IL12B: variants seen among roughly 807,000 people sequenced by gnomAD.
IL12B encodes the protein interleukin 12B.
A neutral mutation model predicts 39.2 loss-of-function variants in IL12B; 27 were observed. The ratio of observed to expected loss-of-function variants is 0.69; its 90% CI spans 0.51 to 0.95. The LOEUF (loss-of-function observed/expected upper bound fraction) is 0.95, where lower values mean the gene tolerates loss of function less well. Among genes scored for constraint, IL12B ranks in the 40% least tolerant of loss-of-function variants. The probability of loss-of-function intolerance (pLI) is 0.00; values close to 1 mark genes in which losing one functional copy is unlikely to be tolerated. For missense variants in IL12B, 351 were observed against 397.6 expected, an observed-to-expected ratio of 0.88 and a Z score of 1.00; for synonymous variants, 142 against 152.1, an observed-to-expected ratio of 0.93 and a Z score of 0.49.
At position 159,318,769 on chromosome 5, in the gene IL12B, G is replaced by T; in HGVS notation, c.822C>A (p.Cys274Ter). 6.2e-7 allele frequency: 1 copy of T among 1,614,134 alleles called. No individual in the cohort carries two copies. The highest frequency in any genetic ancestry group is 1.3e-5 in the African/African-American group (1 of 75,040). ...TPHSYFSLTFCVQVQGKSKRE... is the reference protein window; with the variant it reads ...TPHSYFSLTF ...TCTTGCTCTTGCCCTGGACCTGAAC[G>T]CAGAATGTCAGGGAGAAGTAGGAAT... Residue 274 changes from cysteine to a stop codon, truncating the protein, a stop_gained, in exon 6 of 8, where the codon TGC becomes TGA. Transcript: ENST00000231228. LOFTEE classifies it high-confidence loss of function.
Position 159,330,321 on chromosome 5 carries a change from C to G in IL12B, c.-1+111G>C, listed in dbSNP as rs548809242. On this transcript the variant is annotated intron_variant, in intron 1 of 7. Coordinates refer to ENST00000231228, the MANE Select transcript of IL12B (RefSeq NM_002187.3). ...ACTCACCAGGGATGCTTCCAGGAAT[C>G]CACCAACTCCCTCCTGCCAGCTGCT... is the stretch of plus-strand genomic sequence containing the variant. 7 of 152,324 alleles carry G rather than the reference C, an allele frequency of 4.6e-5. No individual in the cohort carries two copies. In the East Asian group the frequency reaches 1.2e-3, roughly 25 times the overall value. 9.4% of individuals were successfully genotyped at this position (152,324 alleles called of 1,614,324 possible).
chr5:159,326,641 A>G, intron 2 of IL12B, 54 bp downstream of exon 2: 1 of 1,288,562 alleles, frequency 7.8e-7, no homozygotes. Flanking sequence ...TGGCTGCCCA[A>G]GAGTCCTGGC....
At chr5:159,316,991 C>T (rs1298822938) in intron 6 of IL12B, among the ~76,000 whole-genome samples, 175 bp from the exon 7 acceptor site, 1 of 152,196 alleles carries the variant, frequency 6.6e-6, no homozygotes, top group Non-Finnish European at 1.5e-5. Context: ...GCAGACACTC[C>T]ACATGTAGGT....
At chr5:159,324,199 C>T (rs560085607) in intron 2 of IL12B, among the ~76,000 whole-genome samples, 38 of 152,186 alleles carry the variant, frequency 2.5e-4, no homozygotes, top group Admixed American at 2.2e-3. Flanking sequence ...CTGAGGCCAA[C>T]GATCTAAGCA....
At position 159,320,518 on chromosome 5, in the gene IL12B, G is replaced by A. The variant is rs1352704015; in HGVS notation, c.485C>T (p.Ser162Phe). Residue 162 changes from serine to phenylalanine, a missense_variant and splice_region_variant, in exon 5 of 8, where the codon TCT (serine) becomes TTT (phenylalanine). Coordinates refer to ENST00000231228, the MANE Select transcript of IL12B (RefSeq NM_002187.3). ...GCACGTCACCCCTTGGGGGTCAGAAGAGCTGAAGTCAAAGACAGAAATTAG... is the reference window on the plus strand; with the variant it reads ...GCACGTCACCCCTTGGGGGTCAGAAAAGCTGAAGTCAAAGACAGAAATTAG... ...LTFSVKSSRG[S>F]SDPQGVTCGA... 4 of 1,613,580 alleles carry A rather than the reference G, an allele frequency of 2.5e-6. No homozygotes were observed. The highest frequency in any genetic ancestry group is 2.5e-6 in the Non-Finnish European group (3 of 1,179,654).
intron 1 of IL12B, 24 bp downstream of exon 1, chr5:159,330,408 G>T (rs1331327250): frequency 1.3e-5 from 2 of 152,332 alleles, no homozygotes; most frequent in Non-Finnish European, 2.9e-5. Flanking sequence ...AGGGGAGGGA[G>T]GTAGGGGCTT....
At position 159,316,750 on chromosome 5, in the gene IL12B, C is replaced by A. The variant is rs373042362; in HGVS notation, c.922G>T (p.Val308Leu). 4 of 1,613,944 alleles carry A rather than the reference C, an allele frequency of 2.5e-6. No homozygotes were observed. Among genetic ancestry groups the A allele is most frequent in the African/African-American group, 2.7e-5 (2 of 74,926 alleles). The change falls in exon 7 of 8, where the codon GTG (valine) becomes TTG (leucine). Residue 308 changes from valine to leucine, a missense_variant. By Grantham distance (32) the Val-to-Leu change is conservative. Coordinates refer to ENST00000231228, the MANE Select transcript of IL12B (RefSeq NM_002187.3). Reference protein sequence around the residue: ...VICRKNASISVRAQDRYYSSS... With the variant: ...VICRKNASISLRAQDRYYSSS... ...CTATAGTAGCGGTCCTGGGCCCGCA[C>A]GCTAATGCTGGCATTTTTGCGGCAG...
intron 7 of IL12B, among the ~76,000 whole-genome samples, chr5:159,316,357 C>T (rs1753988897): frequency 6.6e-6 from 1 of 152,138 alleles, no homozygotes; most frequent in Admixed American, 6.5e-5. Flanking sequence ...CCCGGGGCCC[C>T]CAGAACAAGA....
At chr5:159,322,981 T>TTTG in intron 3 of IL12B, 73 bp downstream of exon 3, 7 of 1,425,304 alleles carry the variant, frequency 4.9e-6, no homozygotes, top group African/African-American at 1.4e-5. Context: ...GGCTTTTCAA[T>TTTG]TTGTTGTTGT....
chr5:159,324,784 T>A (rs1488992871), intron 2 of IL12B, among the ~76,000 whole-genome samples: 1 of 152,238 alleles, frequency 6.6e-6, no homozygotes, highest in African/African-American at 2.4e-5. Flanking sequence ...CTTACATGCT[T>A]TATAAATGGT....
intron 2 of IL12B, among the ~76,000 whole-genome samples, chr5:159,323,949 C>G (rs1048510931): frequency 6.6e-6 from 1 of 150,958 alleles, no homozygotes; most frequent in African/African-American, 2.4e-5. Context: ...GTCTGCCACA[C>G]AGTAAATTCG....
chr5:159,324,218 G>A (rs1754151475), intron 2 of IL12B, among the ~76,000 whole-genome samples: 1 of 152,144 alleles, frequency 6.6e-6, no homozygotes, highest in African/African-American at 2.4e-5. Context: ...CATGGTCACA[G>A]CAAGTCAGAA....
rs1177833515 is a variant in IL12B, at chr5:159,323,309, A to C, written c.109T>G (p.Trp37Gly). ...KKDVYVVELD[W>G]YPDAPGEMVV... is the part of the protein sequence containing the mutation. Reference sequence around the variant, plus strand: ...ATTTCTCCAGGGGCATCCGGATACCAATCCAATTCTACGACATAAACTGGA... The same window carrying C: ...ATTTCTCCAGGGGCATCCGGATACCCATCCAATTCTACGACATAAACTGGA... Residue 37 changes from tryptophan (W) to glycine (G), a missense_variant, in exon 3 of 8, where the codon TGG becomes GGG. Coordinates refer to ENST00000231228, the MANE Select transcript of IL12B (RefSeq NM_002187.3). The C allele has an allele frequency of 6.2e-7, 1 of 1,614,016 alleles. No homozygotes were observed.
intron 4 of IL12B, among the ~76,000 whole-genome samples, chr5:159,320,978 T>A (rs1342174424): frequency 1.3e-5 from 2 of 151,306 alleles, no homozygotes; most frequent in African/African-American, 2.4e-5. Flanking sequence ...ACCTTCCTTT[T>A]TCTTTTTCTT....
At chr5:159,325,545 C>G (rs1421476084) in intron 2 of IL12B, 1 of 152,174 alleles carries the variant, frequency 6.6e-6, no homozygotes, top group Non-Finnish European at 1.5e-5. Context: ...TCTCCAAAGA[C>G]CTGGGAAAAA....
intron 4 of IL12B, among the ~76,000 whole-genome samples, chr5:159,321,130 C>T (rs1274416861): frequency 1.3e-5 from 2 of 151,788 alleles, no homozygotes; most frequent in Non-Finnish European, 2.9e-5. Context: ...TCCCAAGTAG[C>T]TGGGACTACA....
In IL12B at chr5:159,322,217, C is replaced by T. The variant is rs186577874; in HGVS notation, c.482+177G>A. Reference sequence around the variant, plus strand: ...CAACACATACATTTATTCAAGCAATCGGCTAAAATCTCCATGTTCTTTCTT... The same window carrying T: ...CAACACATACATTTATTCAAGCAATTGGCTAAAATCTCCATGTTCTTTCTT... On this transcript the variant is annotated intron_variant, in intron 4 of 7. Coordinates refer to ENST00000231228, the MANE Select transcript of IL12B (RefSeq NM_002187.3). Among the ~76,000 whole-genome samples the T allele has an allele frequency of 7.2e-5, 11 of 152,288 alleles. No homozygotes were observed. The East Asian group carries it at 1.9e-3, about 27-fold the overall frequency.
chr5:159,328,363 C>T (rs1168052486), intron 1 of IL12B, among the ~76,000 whole-genome samples: 1 of 152,184 alleles, frequency 6.6e-6, no homozygotes, highest in African/African-American at 2.4e-5. Flanking sequence ...ATTTTGGTCC[C>T]ACCGCTCATT....
Position 159,325,307 on chromosome 5 carries a change from C to T in IL12B, c.88+1388G>A, listed in dbSNP as rs369643515. Among the ~76,000 whole-genome samples the T allele has an allele frequency of 3.9e-5, 6 of 152,188 alleles. No homozygotes were observed. In the East Asian group the frequency reaches 7.7e-4, roughly 20 times the overall value. On this transcript the variant is annotated intron_variant, in intron 2 of 7. Coordinates refer to ENST00000231228, the MANE Select transcript of IL12B (RefSeq NM_002187.3). Reference sequence around the variant, plus strand: ...GAAGGGATCTGCCATATACCCCTGGCTCAGGCCTTTGCCTTTACTTAAGAG... The same window carrying T: ...GAAGGGATCTGCCATATACCCCTGGTTCAGGCCTTTGCCTTTACTTAAGAG...
Sources: gnomAD v4.1 joint callset for allele counts (sites outside exome capture counted in the v4.1 genomes callset) on GRCh38, gnomAD v4.1.1 for gene constraint, MANE v1.5 for transcripts, NCBI Gene and HGNC (gene_info 2026-07-23, HGNC 2026-07-21) for gene names.